The following BMP3 variants were observed in gnomAD, a reference collection of about 807,000 sequenced individuals.
BMP3 encodes the protein bone morphogenetic protein 3 (osteogenic).
A neutral mutation model predicts 38.1 loss-of-function variants in BMP3; 23 were observed. The observed-to-expected ratio is 0.60, with a 90% CI of 0.43 to 0.86. BMP3 has a LOEUF of 0.86. Among genes scored for constraint, BMP3 ranks in the 40% least tolerant of loss-of-function variants. The probability of loss-of-function intolerance (pLI) is 0.00; values close to 1 mark genes in which losing one functional copy is unlikely to be tolerated. For missense variants in BMP3, 628 were observed against 579.6 expected (o/e 1.08, Z -0.86); for synonymous variants, 258 against 225.7 (o/e 1.14, Z -1.28).
intron 1 of BMP3, among the ~76,000 whole-genome samples, chr4:81,038,187 C>A (rs192736542): frequency 5.9e-5 from 9 of 152,002 alleles, no homozygotes; most frequent in Non-Finnish European, 1.0e-4. Flanking sequence ...AAAATATATA[C>A]CTTAGAAGGT....
chr4:81,037,749 C>A (rs1001662648), intron 1 of BMP3, among the ~76,000 whole-genome samples: 7 of 152,066 alleles, frequency 4.6e-5, no homozygotes, highest in African/African-American at 1.4e-4. Flanking sequence ...TCTATGATAT[C>A]CCAAACCTAT....
intron 2 of BMP3, among the ~76,000 whole-genome samples, chr4:81,052,787 C>T (rs1335491079): frequency 6.6e-6 from 1 of 152,120 alleles, no homozygotes; most frequent in Non-Finnish European, 1.5e-5. Context: ...ATCAATACCC[C>T]TCTGACCTGC....
At chr4:81,033,385 A>C (rs1362457361) in intron 1 of BMP3, among the ~76,000 whole-genome samples, 1 of 152,192 alleles carries the variant, frequency 6.6e-6, no homozygotes, top group Non-Finnish European at 1.5e-5. Context: ...AGTATTCCAG[A>C]GTGTGCCTTA....
chr4:81,047,947 G>GAAAAA (rs3042535), intron 2 of BMP3, among the ~76,000 whole-genome samples: 10 of 91,534 alleles, frequency 1.1e-4, no homozygotes, highest in African/African-American at 1.6e-4. Flanking sequence ...ACTCTGAAGA[G>GAAAAA]AAAAAAAAAA....
chr4:81,038,720 G>A (rs1397270752), intron 1 of BMP3, among the ~76,000 whole-genome samples: 1 of 152,156 alleles, frequency 6.6e-6, no homozygotes, highest in Non-Finnish European at 1.5e-5. Context: ...TTATGCTTTG[G>A]TGTTAAGTAG....
chr4:81,040,627 T>G (rs1740047317), intron 1 of BMP3, among the ~76,000 whole-genome samples: 1 of 152,196 alleles, frequency 6.6e-6, no homozygotes. Flanking sequence ...AATGTTTTCT[T>G]ATTTATTCAA....
At chr4:81,052,646 G>A (rs888609215) in intron 2 of BMP3, among the ~76,000 whole-genome samples, 1 of 152,132 alleles carries the variant, frequency 6.6e-6, no homozygotes, top group Non-Finnish European at 1.5e-5. Flanking sequence ...AACCAGTGGA[G>A]CAACAGTGAC....
At position 81,054,936 on chromosome 4, in the gene BMP3, CT is replaced by C. The variant is rs1740508299; in HGVS notation, c.*1401del. On this transcript the variant is annotated 3_prime_UTR_variant, in exon 3 of 3. Coordinates refer to ENST00000282701, the MANE Select transcript of BMP3 (RefSeq NM_001201.5). Reference sequence around the variant, plus strand: ...AGAAATATCTCAGCCATTTTGGAGGCTGTGCAGTATCAGAAGACGTGGAGTT... The same window carrying C: ...AGAAATATCTCAGCCATTTTGGAGGCGTGCAGTATCAGAAGACGTGGAGTT... The C allele has an allele frequency of 6.6e-6, 1 of 152,188 alleles. No homozygotes were observed. Among genetic ancestry groups the C allele is most frequent in the Admixed American group, 6.5e-5 (1 of 15,270 alleles). The allele number at this position is 152,188 out of a possible 1,614,324, so 9.4% of individuals were successfully genotyped here. A position where few individuals can be genotyped will look rare whatever the true frequency, so the allele number is the denominator to read the frequency against.
chr4:81,042,738 G>A (rs1464943639), intron 1 of BMP3, among the ~76,000 whole-genome samples: 2 of 152,224 alleles, frequency 1.3e-5, no homozygotes, highest in Non-Finnish European at 2.9e-5. Context: ...ATCCCTTGGA[G>A]ATCATTTATT....
At chr4:81,039,918 T>C (rs572118313) in intron 1 of BMP3, among the ~76,000 whole-genome samples, 1 of 152,196 alleles carries the variant, frequency 6.6e-6, no homozygotes, top group Admixed American at 6.5e-5. Context: ...GCCAAGGAAA[T>C]GGGTTGTCAT....
In BMP3 at chr4:81,053,494, A is replaced by AGTGCTTAGT; in HGVS notation, c.1379_1380insGCTTAGTGT (p.Val460_Tyr461insLeuSerVal). ...ATGAAAATAAGAATGTAGTGCTTAA[A>AGTGCTTAGT]GTATACCCTAACATGACAGTAGAGT... On this transcript the variant is annotated inframe_insertion, in exon 3 of 3. Transcript: ENST00000282701. The AGTGCTTAGT allele has an allele frequency of 6.2e-7, 1 of 1,603,572 alleles. No individual in the cohort carries two copies. The highest frequency in any genetic ancestry group is 8.5e-7 in the Non-Finnish European group (1 of 1,175,466).
chr4:81,042,333 T>C (rs1026823691), intron 1 of BMP3, among the ~76,000 whole-genome samples: 3 of 152,180 alleles, frequency 2.0e-5, no homozygotes, highest in East Asian at 1.9e-4. Flanking sequence ...GAATACTTTC[T>C]GTGTGCTTTA....
chr4:81,035,036 T>C (rs1739886002), intron 1 of BMP3, among the ~76,000 whole-genome samples: 2 of 152,030 alleles, frequency 1.3e-5, no homozygotes, highest in Admixed American at 1.3e-4. Flanking sequence ...TAAAAGTACT[T>C]GGATAATCTG....
chr4:81,031,664 A>C, intron 1 of BMP3, 64 bp downstream of exon 1: 1 of 1,471,488 alleles, frequency 6.8e-7, no homozygotes. Flanking sequence ...GGGACCCCCC[A>C]CAGCTTCCTT....
chr4:81,046,253 A>G lies in BMP3; in HGVS notation c.832A>G (p.Arg278Gly). 1.2e-6 allele frequency: 2 copies of G among 1,614,110 alleles called. No homozygotes were observed. Among genetic ancestry groups the G allele is most frequent in the African/African-American group, 1.3e-5 (1 of 75,046 alleles). The change falls in exon 2 of 3, where the codon AGA (arginine) becomes GGA (glycine). Residue 278 changes from arginine to glycine, a missense_variant. Transcript: ENST00000282701. The part of the protein sequence containing the change: ...GTVPKWDSHI[R>G]AALSIERRKK... The stretch of plus-strand genomic sequence containing the variant: ...TGTTCCCAAATGGGATAGCCACATC[A>G]GAGCTGCCCTTTCCATTGAGCGGAG...
rs142821900 is a variant in BMP3 at position 81,035,048 on chromosome 4, T to A, written c.316+3448T>A. Reference sequence around the variant, plus strand: ...ATTTAAAAGTACTTGGATAATCTGATGTTTTCATTTAAAGGACAATAGTAC... The same window carrying A: ...ATTTAAAAGTACTTGGATAATCTGAAGTTTTCATTTAAAGGACAATAGTAC... On this transcript the variant is annotated intron_variant, in intron 1 of 2. Transcript: ENST00000282701. Among the ~76,000 whole-genome samples, 861 of 152,222 alleles carry A rather than the reference T, an allele frequency of 5.7e-3. 4 individuals are homozygous for A. Among genetic ancestry groups the A allele is most frequent in the African/African-American group, 0.02 (818 of 41,550 alleles).
rs766425555 is a variant in BMP3 at position 81,046,133 on chromosome 4, C to A, written c.712C>A (p.Pro238Thr). Residue 238 changes from proline (P) to threonine (T), a missense_variant, in exon 2 of 3, where the codon CCT becomes ACT. Transcript: ENST00000282701. ...LPKRRLPFPE[P>T]YILVYANDAA... ...AAAGAGGAGGTTACCTTTTCCAGAG[C>A]CTTATATCTTGGTATATGCCAATGA... 13 of 1,614,098 alleles carry A rather than the reference C, an allele frequency of 8.1e-6. No homozygotes were observed. The Admixed American group carries it at 2.0e-4, about 25-fold the overall frequency.
In BMP3 at chr4:81,045,910, T is replaced by C. The variant is rs1419737970; in HGVS notation, c.489T>C (p.Ile163=). The part of the protein sequence containing the change: ...SHHAQRKHIQ[I]DLSAWTLKFS... ...ATGCTCAGAGGAAACACATTCAGAT[T>C]GATCTTTCTGCATGGACCCTCAAAT... The change falls in exon 2 of 3, where the codon ATT becomes ATC. Residue 163 remains isoleucine, a synonymous_variant. Transcript: ENST00000282701. 6.2e-7 allele frequency: 1 copy of C among 1,614,090 alleles called. No individual in the cohort carries two copies. Among genetic ancestry groups the C allele is most frequent in the Non-Finnish European group, 8.5e-7 (1 of 1,179,996 alleles).
In BMP3 at chr4:81,046,069, C is replaced by G; in HGVS notation, c.648C>G (p.Leu216=). 1.1e-5 allele frequency: 18 copies of G among 1,614,140 alleles called. No homozygotes were observed. Among genetic ancestry groups the G allele is most frequent in the Non-Finnish European group, 1.5e-5 (18 of 1,179,988 alleles). The change falls in exon 2 of 3, where the codon CTC becomes CTG. Residue 216 remains leucine, a synonymous_variant. Transcript: ENST00000282701. ...LRKAKENEEF[L]IGFNITSKGR... ...AGGCCAAAGAAAATGAAGAGTTCCT[C>G]ATAGGATTTAACATTACGTCCAAGG...
Sources: allele counts gnomAD v4.1 joint callset (sites outside exome capture counted in the v4.1 genomes callset), GRCh38; gene constraint gnomAD v4.1.1; transcripts MANE v1.5; gene names NCBI Gene and HGNC (gene_info 2026-07-23, HGNC 2026-07-21).